The following OCA2 variants were observed in gnomAD, a reference collection of about 807,000 sequenced individuals.
OCA2 encodes OCA2 melanosomal transmembrane protein, also known as P protein.
OCA2 carries 77 observed loss-of-function variants against 100.2 expected under a neutral mutation model. The observed-to-expected ratio is 0.77, with a 90% CI of 0.64 to 0.93. The LOEUF is 0.93. OCA2 is among the 40% of genes least tolerant of loss of function. The pLI is 0.00. For missense variants in OCA2, 1,062 were observed against 1,089.1 expected (o/e 0.98, Z 0.35); for synonymous variants, 432 against 439.2 (o/e 0.98, Z 0.21).
chr15:27,858,454 G>C (rs1043544145), intron 21 of OCA2, among the ~76,000 whole-genome samples: 1 of 149,894 alleles, frequency 6.7e-6, no homozygotes, highest in Admixed American at 6.6e-5. Context: ...TACACATTTT[G>C]TTAACAAGTG....
chr15:28,017,567 C>A (rs573313734), intron 7 of OCA2, among the ~76,000 whole-genome samples: 1 of 152,312 alleles, frequency 6.6e-6, no homozygotes, highest in East Asian at 1.9e-4. Context: ...CGGTTCAGAA[C>A]ATTGGTGTTG....
rs115072351 is a variant in OCA2 at position 27,786,321 on chromosome 15, G to A, written c.2433-30849C>T. ...GTTGTTAATTTCTGAGGGGGAAAAAGCCTACTGGGTGTTGATAGGAACTGC... is the reference window on the plus strand; with the variant it reads ...GTTGTTAATTTCTGAGGGGGAAAAAACCTACTGGGTGTTGATAGGAACTGC... On this transcript the variant is annotated intron_variant, in intron 23 of 23. Transcript: ENST00000354638. Among the ~76,000 whole-genome samples, 771 of 152,240 alleles carry A rather than the reference G, an allele frequency of 5.1e-3. 7 individuals carry two copies. Among genetic ancestry groups the A allele is most frequent in the African/African-American group, 0.018 (735 of 41,558 alleles).
chr15:28,012,550 C>T (rs1255934485), intron 9 of OCA2, among the ~76,000 whole-genome samples: 4 of 151,904 alleles, frequency 2.6e-5, no homozygotes, highest in Non-Finnish European at 5.9e-5. Context: ...GAAACCATGT[C>T]GAACTGGCCT....
chr15:28,014,547 C>T (rs551545952), intron 9 of OCA2, among the ~76,000 whole-genome samples: 30 of 152,316 alleles, frequency 2.0e-4, no homozygotes, highest in African/African-American at 7.2e-4. Flanking sequence ...CTCAGGTACA[C>T]TTCTGCTCCT....
At chr15:27,871,681 C>T (rs1358615916) in intron 20 of OCA2, among the ~76,000 whole-genome samples, 182 bp downstream of exon 20, 1 of 152,244 alleles carries the variant, frequency 6.6e-6, no homozygotes, top group Non-Finnish European at 1.5e-5. Flanking sequence ...TCTGTAATTA[C>T]ATATTCTTCG....
chr15:27,723,616 G>C, the OCA2 span, among the ~76,000 whole-genome samples: 1 of 151,936 alleles, frequency 6.6e-6, no homozygotes, highest in Non-Finnish European at 1.5e-5. Context: ...GGAGCAAGAG[G>C]GGCGTAGCTG....
At chr15:27,737,981 C>T in the OCA2 span, among the ~76,000 whole-genome samples, 1 of 152,132 alleles carries the variant, frequency 6.6e-6, no homozygotes, top group African/African-American at 2.4e-5. Flanking sequence ...GTTACACACC[C>T]GCCAGAATGC....
chr15:27,746,062 G>T, the OCA2 span, among the ~76,000 whole-genome samples: 1 of 152,306 alleles, frequency 6.6e-6, no homozygotes, highest in East Asian at 1.9e-4. Flanking sequence ...CATGTTCTCA[G>T]GACCTCTTGA....
chr15:28,084,347 A>G (rs956576615), intron 1 of OCA2, among the ~76,000 whole-genome samples: 1 of 152,178 alleles, frequency 6.6e-6, no homozygotes, highest in Admixed American at 6.5e-5. Flanking sequence ...CCTTAGTGCA[A>G]CAAATGTCCA....
chr15:27,856,084 G>T lies in OCA2; in HGVS notation c.2245-4609C>A, dbSNP rs754295861. On this transcript the variant is annotated intron_variant, in intron 21 of 23. Transcript: ENST00000354638. ...CCCACTGGTGTCTGCGGCAATCCTG[G>T]CCATCCTTGGCTTGTGGGTGCATCA... Among the ~76,000 whole-genome samples, 21 of 152,136 alleles carry T rather than the reference G, an allele frequency of 1.4e-4. 1 individual carries two copies. The highest frequency in any genetic ancestry group is 2.5e-4 in the Non-Finnish European group (17 of 68,020).
chr15:27,726,060 C>T, the OCA2 span, among the ~76,000 whole-genome samples: 1 of 151,462 alleles, frequency 6.6e-6, no homozygotes, highest in African/African-American at 2.4e-5. Context: ...ACTTTGGGAG[C>T]CTAAGGCGGG....
intron 23 of OCA2, chr15:27,776,644 C>G (rs972830409): frequency 1.3e-5 from 2 of 152,204 alleles, no homozygotes; most frequent in Admixed American, 6.6e-5. Flanking sequence ...CGGAGGCTCT[C>G]TCTCCTGTGC....
At chr15:27,748,064 G>A in the OCA2 span, among the ~76,000 whole-genome samples, 1 of 152,156 alleles carries the variant, frequency 6.6e-6, no homozygotes, top group Non-Finnish European at 1.5e-5. Flanking sequence ...AGACAGCCCA[G>A]ATGGGCTCTG....
At chr15:28,013,769 C>T (rs2042305601) in intron 9 of OCA2, among the ~76,000 whole-genome samples, 1 of 152,086 alleles carries the variant, frequency 6.6e-6, no homozygotes, top group Admixed American at 6.5e-5. Context: ...ACAGCTGCCC[C>T]TGAGCCTGCG....
chr15:27,865,636 T>C (rs1380435121), intron 21 of OCA2, among the ~76,000 whole-genome samples: 1 of 152,186 alleles, frequency 6.6e-6, no homozygotes, highest in African/African-American at 2.4e-5. Context: ...CCAGTTACTC[T>C]AAGGGTGTTT....
At chr15:28,021,032 T>C (rs1423096796) in intron 6 of OCA2, among the ~76,000 whole-genome samples, 1 of 152,196 alleles carries the variant, frequency 6.6e-6, no homozygotes, top group East Asian at 1.9e-4. Flanking sequence ...CAAGCCAGTT[T>C]CCTAAAATTT....
chr15:28,028,166 T>A (rs1196996437), intron 3 of OCA2, 107 bp from the exon 4 acceptor site: 9 of 1,291,338 alleles, frequency 7.0e-6, no homozygotes, highest in Non-Finnish European at 7.8e-6. Context: ...TCAACCCTGG[T>A]CTTTCAAAGG....
chr15:27,749,253 A>G, the OCA2 span, among the ~76,000 whole-genome samples: 1 of 152,346 alleles, frequency 6.6e-6, no homozygotes, highest in Middle Eastern at 3.4e-3. Context: ...GGGAAAATCA[A>G]TTTGAATGAC....
the OCA2 span, among the ~76,000 whole-genome samples, chr15:27,731,003 T>C: frequency 1.3e-5 from 2 of 151,848 alleles, no homozygotes; most frequent in East Asian, 3.9e-4. Context: ...CTGAAATCCA[T>C]CAAAGTTAAG....
Sources: gnomAD v4.1 joint callset for allele counts (sites outside exome capture counted in the v4.1 genomes callset) on GRCh38, gnomAD v4.1.1 for gene constraint, MANE v1.5 for transcripts, NCBI Gene and HGNC (gene_info 2026-07-23, HGNC 2026-07-21) for gene names.